Variants in SYT1 observed in about 807,000 individuals in gnomAD.
SYT1 encodes synaptotagmin 1.
In SYT1, 8 loss-of-function variants were observed where a neutral mutation model predicts 44.8. That is an observed-to-expected ratio of 0.18 (90% CI 0.10 to 0.32). The LOEUF (loss-of-function observed/expected upper bound fraction) is 0.32, where lower values mean the gene tolerates loss of function less well. SYT1 is among the 10% of genes least tolerant of loss of function. The pLI, the probability that SYT1 is intolerant of heterozygous loss-of-function variation, is 1.00. For missense variants in SYT1, 286 were observed against 509.3 expected (o/e 0.56, Z 4.22); for synonymous variants, 154 against 188.8 (o/e 0.82, Z 1.51).
chr12:78,947,384 G>A (rs994993603), intron 1 of SYT1, among the ~76,000 whole-genome samples: 8 of 150,960 alleles, frequency 5.3e-5, no homozygotes, highest in African/African-American at 1.7e-4. Flanking sequence ...ACCTAGAATT[G>A]GAAACCCAGT....
intron 2 of SYT1, among the ~76,000 whole-genome samples, chr12:79,002,015 C>G (rs1353665208): frequency 6.6e-6 from 1 of 152,012 alleles, no homozygotes; most frequent in African/African-American, 2.4e-5. Context: ...AGAGCATTCT[C>G]TACTTTAATC....
chr12:78,918,302 T>G (rs2137152575), intron 1 of SYT1, among the ~76,000 whole-genome samples: 1 of 152,162 alleles, frequency 6.6e-6, no homozygotes, highest in South Asian at 2.1e-4. Context: ...GCCTTTCCCT[T>G]GCCATTCTCT....
intron 5 of SYT1, among the ~76,000 whole-genome samples, chr12:79,290,573 G>A (rs1879533838): frequency 6.6e-6 from 1 of 152,148 alleles, no homozygotes; most frequent in Non-Finnish European, 1.5e-5. Flanking sequence ...GATTCAATTT[G>A]AGAGCTAAGA....
intron 2 of SYT1, among the ~76,000 whole-genome samples, chr12:79,008,035 C>T (rs2137558574): frequency 6.6e-6 from 1 of 151,984 alleles, no homozygotes; most frequent in African/African-American, 2.4e-5. Flanking sequence ...AAGAAAATAA[C>T]CAATATGCCT....
intron 9 of SYT1, among the ~76,000 whole-genome samples, chr12:79,356,719 G>A (rs1200572401): frequency 1.3e-5 from 2 of 152,152 alleles, no homozygotes; most frequent in Admixed American, 1.3e-4. Context: ...CATTGCACAA[G>A]TTATTTATTT....
At chr12:79,391,460 T>C (rs965529640) in intron 9 of SYT1, among the ~76,000 whole-genome samples, 2 of 152,190 alleles carry the variant, frequency 1.3e-5, no homozygotes, top group African/African-American at 4.8e-5. Context: ...CAGAAATATA[T>C]TGCTTAAGAT....
intron 9 of SYT1, among the ~76,000 whole-genome samples, chr12:79,376,547 C>T (rs936197106): frequency 1.3e-5 from 2 of 152,096 alleles, no homozygotes; most frequent in African/African-American, 4.8e-5. Flanking sequence ...TCTTTATGAC[C>T]TGTATTTTAT....
chr12:79,385,341 T>C (rs971734800), intron 9 of SYT1, among the ~76,000 whole-genome samples: 1 of 152,200 alleles, frequency 6.6e-6, no homozygotes, highest in African/African-American at 2.4e-5. Flanking sequence ...GATTTTTTTT[T>C]CCAAACTCTA....
intron 8 of SYT1, among the ~76,000 whole-genome samples, chr12:79,306,801 G>T (rs1165346417): frequency 1.3e-5 from 2 of 152,200 alleles, no homozygotes; most frequent in Non-Finnish European, 2.9e-5. Context: ...AGAGCAGAAA[G>T]TGAGGAGTGG....
intron 9 of SYT1, among the ~76,000 whole-genome samples, chr12:79,395,944 T>C (rs1884853380): frequency 6.6e-6 from 1 of 152,238 alleles, no homozygotes; most frequent in Non-Finnish European, 1.5e-5. Flanking sequence ...GTTTATAAGA[T>C]AGCCATTGAC....
chr12:79,371,217 C>G (rs1883776066), intron 9 of SYT1, among the ~76,000 whole-genome samples: 1 of 151,932 alleles, frequency 6.6e-6, no homozygotes, highest in Admixed American at 6.6e-5. Context: ...TGGCAAAGGC[C>G]CAGCTCCTCA....
At chr12:79,291,196 G>T (rs1490146276) in intron 5 of SYT1, among the ~76,000 whole-genome samples, 3 of 152,174 alleles carry the variant, frequency 2.0e-5, no homozygotes, top group Non-Finnish European at 2.9e-5. Flanking sequence ...GTTATAAAGA[G>T]TATTCAATTG....
At chr12:78,876,866 A>ATGTATTACATATAAT (rs1565697808) in intron 1 of SYT1, among the ~76,000 whole-genome samples, 3 of 12,898 alleles carry the variant, frequency 2.3e-4, no homozygotes, top group African/African-American at 6.0e-4. Flanking sequence ...TAATATATAT[A>ATGTATTACATATAAT]ATATATTATA....
intron 8 of SYT1, among the ~76,000 whole-genome samples, chr12:79,343,334 T>G (rs1490803783): frequency 6.6e-6 from 1 of 152,112 alleles, no homozygotes; most frequent in East Asian, 1.9e-4. Flanking sequence ...GAAAAGAGGA[T>G]AGTTGAAATA....
At chr12:79,348,565 AAGTC>A (rs960662783) in intron 8 of SYT1, among the ~76,000 whole-genome samples, 1 of 152,224 alleles carries the variant, frequency 6.6e-6, no homozygotes, top group Non-Finnish European at 1.5e-5. Context: ...AACTTCTTGA[AAGTC>A]AGGAAGAGGG....
intron 8 of SYT1, among the ~76,000 whole-genome samples, chr12:79,329,867 TTA>T (rs1229068557): frequency 6.6e-6 from 1 of 152,224 alleles, no homozygotes; most frequent in East Asian, 1.9e-4. Context: ...TATTGCTTGT[TTA>T]GAGAAGGTGG....
intron 9 of SYT1, among the ~76,000 whole-genome samples, chr12:79,428,423 T>A (rs954831424): frequency 2.0e-5 from 3 of 152,120 alleles, no homozygotes; most frequent in African/African-American, 7.2e-5. Context: ...ACCAAAATGA[T>A]CCCATGATGA....
At chr12:79,176,421 A>G (rs569504871) in intron 3 of SYT1, among the ~76,000 whole-genome samples, 1 of 152,202 alleles carries the variant, frequency 6.6e-6, no homozygotes, top group East Asian at 1.9e-4. Context: ...GGCAAAACTG[A>G]AGATAATGAC....
At chr12:79,409,074 T>C (rs986734054) in intron 9 of SYT1, among the ~76,000 whole-genome samples, 1 of 152,104 alleles carries the variant, frequency 6.6e-6, no homozygotes, top group East Asian at 1.9e-4. Flanking sequence ...AGTTCCACAA[T>C]GGTCTGTTTA....
Sources: allele counts gnomAD v4.1 joint callset (sites outside exome capture counted in the v4.1 genomes callset), GRCh38; gene constraint gnomAD v4.1.1; transcripts MANE v1.5; gene names NCBI Gene and HGNC (gene_info 2026-07-23, HGNC 2026-07-21).